The following FAM227B variants were observed in gnomAD, a reference collection of about 807,000 sequenced individuals.
FAM227B encodes the protein protein FAM227B.
Under a neutral mutation model 73.8 loss-of-function variants are expected in FAM227B, and 88 were observed. The ratio of observed to expected loss-of-function variants is 1.19; its 90% CI spans 1.00 to 1.42. FAM227B has a LOEUF of 1.42. FAM227B is among the 40% of genes most tolerant of loss of function. The pLI, the probability that FAM227B is intolerant of heterozygous loss-of-function variation, is 0.00. For synonymous variants in FAM227B, 210 were observed against 190.5 expected (o/e 1.10, Z -0.84); for missense variants, 632 against 590.9 (o/e 1.07, Z -0.72).
intron 8 of FAM227B, among the ~76,000 whole-genome samples, chr15:49,570,925 TTAAA>T (rs2075054107): frequency 1.4e-5 from 2 of 147,838 alleles, no homozygotes; most frequent in African/African-American, 2.5e-5. Flanking sequence ...ATATTACACA[TTAAA>T]TATATATTAT....
intron 11 of FAM227B, among the ~76,000 whole-genome samples, chr15:49,471,484 A>AAT: frequency 7.3e-6 from 1 of 137,852 alleles, no homozygotes; most frequent in African/African-American, 2.7e-5. Context: ...CTCTATCTCA[A>AAT]AATAATAATA....
At chr15:49,366,954 C>T (rs1010950451) in intron 13 of FAM227B, among the ~76,000 whole-genome samples, 4 of 152,116 alleles carry the variant, frequency 2.6e-5, no homozygotes, top group African/African-American at 9.7e-5. Flanking sequence ...GGGCCCTACC[C>T]CTGCTTCAAC....
chr15:49,578,471 T>G (rs957616509), intron 5 of FAM227B, among the ~76,000 whole-genome samples: 1 of 151,208 alleles, frequency 6.6e-6, no homozygotes, highest in African/African-American at 2.4e-5. Context: ...TAGACAGACA[T>G]AGATAGATAG....
chr15:49,572,911 TTC>T (rs1426078748), intron 8 of FAM227B, among the ~76,000 whole-genome samples: 1 of 152,010 alleles, frequency 6.6e-6, no homozygotes, highest in Non-Finnish European at 1.5e-5. Context: ...TTTCTTTATT[TTC>T]TCTTTTCAAT....
intron 13 of FAM227B, among the ~76,000 whole-genome samples, chr15:49,345,835 C>A (rs1239461169): frequency 6.6e-6 from 1 of 152,094 alleles, no homozygotes; most frequent in African/African-American, 2.4e-5. Flanking sequence ...ATTGTAGGAT[C>A]CAATTTAATT....
intron 13 of FAM227B, among the ~76,000 whole-genome samples, chr15:49,345,728 G>A (rs184290376): frequency 6.6e-6 from 1 of 152,304 alleles, no homozygotes; most frequent in African/African-American, 2.4e-5. Context: ...AACAGTGGTT[G>A]GGATGTAACA....
At chr15:49,424,049 G>A (rs1409851691) in intron 11 of FAM227B, 4 of 381,414 alleles carry the variant, frequency 1.0e-5, no homozygotes, top group Admixed American at 8.2e-5. Flanking sequence ...ATAGCAAACA[G>A]CGTCACAGCA....
chr15:49,486,799 T>C (rs1398948883), intron 11 of FAM227B: 6 of 151,970 alleles, frequency 3.9e-5, no homozygotes, highest in African/African-American at 1.4e-4. Flanking sequence ...GTTTTTCTCC[T>C]ATTTTTAAAT....
chr15:49,564,378 T>A (rs2074479178), intron 9 of FAM227B, among the ~76,000 whole-genome samples: 1 of 152,212 alleles, frequency 6.6e-6, no homozygotes, highest in African/African-American at 2.4e-5. Context: ...GCTTATGCAC[T>A]GTTGGTGGAA....
intron 11 of FAM227B, among the ~76,000 whole-genome samples, chr15:49,379,033 T>C (rs1434885097): frequency 6.6e-6 from 1 of 150,826 alleles, no homozygotes; most frequent in Non-Finnish European, 1.5e-5. Flanking sequence ...AAATGCTTTT[T>C]CAGCATCAAT....
chr15:49,377,547 A>G (rs2046249969), intron 11 of FAM227B, among the ~76,000 whole-genome samples: 1 of 151,992 alleles, frequency 6.6e-6, no homozygotes, highest in South Asian at 2.1e-4. Context: ...TTGGAAATAA[A>G]CCATTTCAAG....
chr15:49,374,986 T>A (rs74596403), intron 11 of FAM227B, among the ~76,000 whole-genome samples: 3,433 of 152,310 alleles, frequency 0.023, 60 homozygotes, highest in African/African-American at 0.041. Flanking sequence ...ATATATTAAA[T>A]CTCAAATGAG....
chr15:49,364,733 A>G (rs1012837405), intron 13 of FAM227B, among the ~76,000 whole-genome samples: 1 of 152,176 alleles, frequency 6.6e-6, no homozygotes, highest in African/African-American at 2.4e-5. Context: ...AGCAGATAAA[A>G]TTTGCATAAT....
intron 1 of FAM227B, among the ~76,000 whole-genome samples, chr15:49,617,958 T>C (rs1003867986): frequency 3.3e-5 from 5 of 152,218 alleles, no homozygotes; most frequent in Non-Finnish European, 5.9e-5. Context: ...TATCCTTTGC[T>C]CAGAGCTCCT....
At chr15:49,573,146 A>C (rs562876647) in intron 8 of FAM227B, among the ~76,000 whole-genome samples, 29 of 152,152 alleles carry the variant, frequency 1.9e-4, no homozygotes, top group African/African-American at 6.5e-4. Context: ...ATTTTCATTT[A>C]GTTCAAAATA....
At chr15:49,486,012 A>T (rs1265693107) in intron 11 of FAM227B, 2 of 152,008 alleles carry the variant, frequency 1.3e-5, no homozygotes, top group Non-Finnish European at 2.9e-5. Flanking sequence ...TAACAGGATT[A>T]TTACAAGGAT....
intron 10 of FAM227B, among the ~76,000 whole-genome samples, chr15:49,513,684 T>C (rs2152125343): frequency 6.6e-6 from 1 of 152,348 alleles, no homozygotes; most frequent in Admixed American, 6.5e-5. Flanking sequence ...GCCTATGTCC[T>C]GAATGGTATT....
chr15:49,525,665 A>AATATATAT (rs57123974), intron 10 of FAM227B, among the ~76,000 whole-genome samples: 17 of 81,484 alleles, frequency 2.1e-4, no homozygotes, highest in African/African-American at 8.4e-4. Context: ...AGGGTGGAGA[A>AATATATAT]ATATATATAT....
intron 11 of FAM227B, among the ~76,000 whole-genome samples, chr15:49,450,750 A>G (rs558654430): frequency 1.9e-4 from 27 of 145,364 alleles, no homozygotes; most frequent in African/African-American, 6.2e-4. Context: ...CAAAACTAAT[A>G]ACACTGCGTT....
Sources: allele counts gnomAD v4.1 joint callset (sites outside exome capture counted in the v4.1 genomes callset), GRCh38; gene constraint gnomAD v4.1.1; transcripts MANE v1.5; gene names NCBI Gene and HGNC (gene_info 2026-07-23, HGNC 2026-07-21).